CEP162: variants seen among roughly 807,000 people sequenced by gnomAD.
CEP162 encodes the protein centrosomal protein of 162 kDa.
Under a neutral mutation model 169.2 loss-of-function variants are expected in CEP162, and 141 were observed. The ratio of observed to expected loss-of-function variants is 0.83; its 90% CI spans 0.73 to 0.96. CEP162 has a LOEUF of 0.96. Among genes scored for constraint, CEP162 ranks in the 40% least tolerant of loss-of-function variants. The pLI, the probability that CEP162 is intolerant of heterozygous loss-of-function variation, is 0.00. For missense variants in CEP162, 1,600 were observed against 1,587.2 expected (o/e 1.01, Z -0.14); for synonymous variants, 540 against 526.4 (o/e 1.03, Z -0.35).
In CEP162 at chr6:84,125,045, G is replaced by A. The variant is rs557469855; in HGVS notation, c.*25C>T. The stretch of plus-strand genomic sequence containing the variant: ...CATCCATCTTCAGGCCTTTTAATAA[G>A]GTCATTATGAAATCTGAATTTCTAT... On this transcript the variant is annotated 3_prime_UTR_variant, in exon 27 of 27. Transcript: ENST00000403245. 13 of 1,563,572 alleles carry A rather than the reference G, an allele frequency of 8.3e-6. No homozygotes were observed. The East Asian group carries it at 2.3e-4, about 27-fold the overall frequency.
intron 5 of CEP162, among the ~76,000 whole-genome samples, chr6:84,213,379 C>A (rs1588886068): frequency 6.6e-6 from 1 of 152,042 alleles, no homozygotes; most frequent in African/African-American, 2.4e-5. Context: ...CTATGAGAAC[C>A]AGTGAAGTCC....
At chr6:84,149,743 T>C in intron 23 of CEP162, 40 bp from the exon 24 acceptor site, 2 of 1,432,784 alleles carry the variant, frequency 1.4e-6, no homozygotes, top group Non-Finnish European at 9.2e-7. Flanking sequence ...TAAAAGTGGC[T>C]CTTCAACCTC....
At chr6:84,125,929 C>T (rs1215191465) in intron 26 of CEP162, among the ~76,000 whole-genome samples, 1 of 152,166 alleles carries the variant, frequency 6.6e-6, no homozygotes, top group Non-Finnish European at 1.5e-5. Context: ...AAAAACACAT[C>T]ATGCCCTTAC....
chr6:84,140,912 A>G (rs2099516315), intron 25 of CEP162, among the ~76,000 whole-genome samples: 1 of 152,166 alleles, frequency 6.6e-6, no homozygotes, highest in Non-Finnish European at 1.5e-5. Context: ...TTTGTGGAAG[A>G]CAATTCTTCC....
intron 25 of CEP162, among the ~76,000 whole-genome samples, chr6:84,136,774 TGAGA>T (rs1163643294): frequency 4.6e-5 from 7 of 152,214 alleles, no homozygotes; most frequent in South Asian, 2.1e-4. Context: ...AAACTGAGGC[TGAGA>T]GAGTTTAAAG....
chr6:84,185,250 C>A lies in CEP162; in HGVS notation c.1600G>T (p.Glu534Ter), dbSNP rs540316305. The A allele has an allele frequency of 6.2e-6, 10 of 1,613,404 alleles. No individual in the cohort carries two copies. The highest frequency in any genetic ancestry group is 8.5e-6 in the Non-Finnish European group (10 of 1,179,538). The change falls in exon 13 of 27, where the codon GAG (glutamate) becomes TAG (stop). Residue 534 changes from glutamate to a stop codon, truncating the protein, a stop_gained. Transcript: ENST00000403245. LOFTEE classifies it high-confidence loss of function. The part of the protein sequence containing the change: ...MFSTLEKKTS[E>*]DIIKSKNLRS... ...AAGTTTTTGCTTTTTATAATGTCCT[C>A]TGAAGTTTTCTTTTCAAGAGTAGAA...
chr6:84,215,640 AT>A (rs1437306633), intron 4 of CEP162, 135 bp downstream of exon 4: 2 of 1,260,486 alleles, frequency 1.6e-6, no homozygotes, highest in Non-Finnish European at 2.1e-6. Context: ...CTTCTCTAGA[AT>A]AATTCTAAAC....
chr6:84,185,085 C>A, intron 13 of CEP162, 102 bp downstream of exon 13: 1 of 1,073,214 alleles, frequency 9.3e-7, no homozygotes, highest in Non-Finnish European at 1.3e-6. Flanking sequence ...GCCCTGTTGC[C>A]TCCTGCAAAT....
chr6:84,159,969 T>A (rs1032532497), intron 21 of CEP162, among the ~76,000 whole-genome samples: 1 of 152,074 alleles, frequency 6.6e-6, no homozygotes, highest in African/African-American at 2.4e-5. Flanking sequence ...AATATAAAAA[T>A]AGGTCTTGTA....
chr6:84,218,256 G>T (rs1029509093), intron 3 of CEP162, among the ~76,000 whole-genome samples: 13 of 152,212 alleles, frequency 8.5e-5, no homozygotes, highest in Non-Finnish European at 1.9e-4. Context: ...ATGACAATGG[G>T]AGGGGCAGGC....
At chr6:84,135,746 C>T (rs2099513783) in intron 25 of CEP162, among the ~76,000 whole-genome samples, 1 of 152,034 alleles carries the variant, frequency 6.6e-6, no homozygotes, top group Admixed American at 6.6e-5. Flanking sequence ...TCCTGTAATC[C>T]CAGCTACTCA....
At chr6:84,141,800 A>ACCAAC (rs2099516774) in intron 25 of CEP162, among the ~76,000 whole-genome samples, 1 of 152,130 alleles carries the variant, frequency 6.6e-6, no homozygotes, top group South Asian at 2.1e-4. Flanking sequence ...GAGCTCCATC[A>ACCAAC]TCAACTCCTT....
At chr6:84,189,752 C>A (rs188569002) in intron 11 of CEP162, among the ~76,000 whole-genome samples, 1 of 152,120 alleles carries the variant, frequency 6.6e-6, no homozygotes, top group Non-Finnish European at 1.5e-5. Context: ...CTGAGGAATG[C>A]GAGCACACGG....
At chr6:84,151,058 G>C (rs909719191) in intron 23 of CEP162, among the ~76,000 whole-genome samples, 3 of 152,114 alleles carry the variant, frequency 2.0e-5, no homozygotes, top group African/African-American at 7.2e-5. Flanking sequence ...GAAATGTTTT[G>C]TGAAGGTAGT....
chr6:84,220,217 A>C (rs2099553156), intron 3 of CEP162, among the ~76,000 whole-genome samples: 1 of 152,226 alleles, frequency 6.6e-6, no homozygotes, highest in Non-Finnish European at 1.5e-5. Flanking sequence ...CTAGAGATAC[A>C]GAAATTCTAT....
intron 6 of CEP162, 53 bp from the exon 7 acceptor site, chr6:84,204,149 AT>A (rs2099545784): frequency 1.1e-5 from 12 of 1,095,820 alleles, no homozygotes; most frequent in Non-Finnish European, 1.6e-5. Flanking sequence ...AAAAAGTCAA[AT>A]TCCAGGAAAA....
intron 1 of CEP162, 23 bp from the exon 2 acceptor site, chr6:84,226,475 A>C: frequency 1.0e-6 from 1 of 988,348 alleles, no homozygotes; most frequent in Non-Finnish European, 1.5e-6. Flanking sequence ...AGACATAAAC[A>C]TCTTTTGAGG....
chr6:84,156,755 CACACACACACACACACAA>C (rs2099523362), intron 21 of CEP162, among the ~76,000 whole-genome samples: 1 of 151,898 alleles, frequency 6.6e-6, no homozygotes, highest in African/African-American at 2.4e-5. Flanking sequence ...CACACACACA[CACACACACACACACACAA>C]ACACACTATT....
intron 25 of CEP162, among the ~76,000 whole-genome samples, chr6:84,128,944 T>C (rs2099510084): frequency 6.6e-6 from 1 of 152,000 alleles, no homozygotes; most frequent in Admixed American, 6.6e-5. Context: ...ATGCGGTGTT[T>C]GGTTTTCTGT....
Sources: gnomAD v4.1 joint callset for allele counts (sites outside exome capture counted in the v4.1 genomes callset) on GRCh38, gnomAD v4.1.1 for gene constraint, MANE v1.5 for transcripts, NCBI Gene and HGNC (gene_info 2026-07-23, HGNC 2026-07-21) for gene names.